The following FHOD1 variants were observed in gnomAD, a reference collection of about 807,000 sequenced individuals.
The protein encoded by FHOD1 is formin homology 2 domain containing 1.
In FHOD1, 89 loss-of-function variants were observed where a neutral mutation model predicts 111.6. That is an observed-to-expected ratio of 0.80 (90% CI 0.67 to 0.95). The LOEUF (loss-of-function observed/expected upper bound fraction) is 0.95. FHOD1 is among the 40% of genes least tolerant of loss of function. The probability of loss-of-function intolerance (pLI) is 0.00; values close to 1 mark genes in which losing one functional copy is unlikely to be tolerated. For synonymous variants in FHOD1, 618 were observed against 639.0 expected (o/e 0.97, Z 0.50); for missense variants, 1,446 against 1,554.2 (o/e 0.93, Z 1.17).
rs2034302984 is a variant in FHOD1 at position 67,232,153 on chromosome 16, G to A, written c.2088C>T (p.Asp696=). 1 of 1,614,060 alleles carries A rather than the reference G, an allele frequency of 6.2e-7. No individual in the cohort carries two copies. Among genetic ancestry groups the A allele is most frequent in the African/African-American group, 1.3e-5 (1 of 74,918 alleles). ...TGTTGATGGCGTTGCTGCGCTTGGG[G>A]TCCAGCACTGTGGTCATTGTCCGGC... is the stretch of plus-strand genomic sequence containing the variant. ...EGRRTMTTVL[D]PKRSNAINIG... Residue 696 remains aspartate (D), a synonymous_variant, in exon 14 of 22, where the codon GAC becomes GAT. Transcript: ENST00000258201.
intron 1 of FHOD1, among the ~76,000 whole-genome samples, chr16:67,243,766 T>G (rs913179754): frequency 1.3e-5 from 2 of 152,178 alleles, no homozygotes; most frequent in Admixed American, 1.3e-4. Flanking sequence ...TACCCCATAC[T>G]GGTCCTCCCA....
At chr16:67,232,289 G>A (rs144791161) in intron 13 of FHOD1, 95 bp from the exon 14 acceptor site, 106 of 1,267,688 alleles carry the variant, frequency 8.4e-5, no homozygotes, top group Middle Eastern at 5.2e-4. Context: ...AGGCCAAGGC[G>A]GGTGGACCAC....
chr16:67,240,867 G>A (rs953532751), intron 1 of FHOD1, among the ~76,000 whole-genome samples: 3 of 152,226 alleles, frequency 2.0e-5, no homozygotes, highest in African/African-American at 7.2e-5. Context: ...GCCCACCTCT[G>A]GAGAGGCAGG....
At position 67,243,253 on chromosome 16, in the gene FHOD1, C is replaced by T. The variant is rs971498434; in HGVS notation, c.202-3799G>A. Reference sequence around the variant, plus strand: ...TCTGAAGACCCTCCTTTCCTGTTATCGCAGGTCTCCAACTAGAGTGTGACT... The same window carrying T: ...TCTGAAGACCCTCCTTTCCTGTTATTGCAGGTCTCCAACTAGAGTGTGACT... On this transcript the variant is annotated intron_variant, in intron 1 of 21. Coordinates refer to ENST00000258201, the MANE Select transcript of FHOD1 (RefSeq NM_013241.3). Among the ~76,000 whole-genome samples, 8 of 152,154 alleles carry T rather than the reference C, an allele frequency of 5.3e-5. No homozygotes were observed. The South Asian group carries it at 8.3e-4, about 16-fold the overall frequency.
Position 67,238,878 on chromosome 16 carries a change from G to A in FHOD1, c.373+25C>T. On this transcript the variant is annotated intron_variant, in intron 3 of 21. Coordinates refer to ENST00000258201, the MANE Select transcript of FHOD1 (RefSeq NM_013241.3). This position sits in a 1 kb window ranked among gnomAD's most constrained non-coding sequence, Gnocchi z 4.2. The stretch of plus-strand genomic sequence containing the variant: ...GGGCTATGGGGAGGAGGTGCTGCTG[G>A]ACATGGATGCTCTCACACACTCACC... The A allele has an allele frequency of 6.2e-7, 1 of 1,612,944 alleles. No homozygotes were observed. Among genetic ancestry groups the A allele is most frequent in the Non-Finnish European group, 8.5e-7 (1 of 1,178,886 alleles).
At chr16:67,233,096 T>C (rs927227730) in intron 13 of FHOD1, among the ~76,000 whole-genome samples, 1 of 150,660 alleles carries the variant, frequency 6.6e-6, no homozygotes, top group Non-Finnish European at 1.5e-5. Flanking sequence ...ATTTATTTAG[T>C]TATTTTTGAG....
In FHOD1 at chr16:67,231,298, T is replaced by C. The variant is rs2034259946; in HGVS notation, c.2557A>G (p.Thr853Ala). The C allele has an allele frequency of 1.2e-6, 2 of 1,614,002 alleles. No individual in the cohort carries two copies. Among genetic ancestry groups the C allele is most frequent in the African/African-American group, 1.3e-5 (1 of 74,898 alleles). Residue 853 changes from threonine to alanine, a missense_variant, in exon 17 of 22, where the codon ACG (threonine) becomes GCG (alanine). Thr to Ala is a moderately conservative substitution (Grantham distance 58, BLOSUM62 0). This residue lies in a region of FHOD1 where 1,085 missense variants were observed against 1,108.8 expected (regional missense o/e 0.98). Coordinates refer to ENST00000258201, the MANE Select transcript of FHOD1 (RefSeq NM_013241.3). This position sits in a 1 kb window ranked among gnomAD's most constrained non-coding sequence, Gnocchi z 4.3. ...YLEKVSEVKD[T>A]VRRQSLLHHL... ...TGTAGCAGTGACTGTCGACGCACCG[T>C]GTCCTTCACCTCTGACACCTTCTCC...
chr16:67,235,863 G>A (rs375842233), intron 11 of FHOD1, among the ~76,000 whole-genome samples: 2 of 152,238 alleles, frequency 1.3e-5, no homozygotes, highest in African/African-American at 4.8e-5. Context: ...CCAGTGCTTA[G>A]CCTTTGGGTT....
At position 67,236,713 on chromosome 16, in the gene FHOD1, G is replaced by A. The variant is rs1367147641; in HGVS notation, c.1163C>T (p.Pro388Leu). 4 of 1,565,042 alleles carry A rather than the reference G, an allele frequency of 2.6e-6. No individual in the cohort carries two copies. Among genetic ancestry groups the A allele is most frequent in the Non-Finnish European group, 3.5e-6 (4 of 1,155,104 alleles). ...PEPGPTGPAS[P>L]VGPTSSTGPA... ...GCCGGTGGAAGAGGTGGGGCCTACC[G>A]GTGAGGCGGGGCCTGTGGGGCTGAA... Residue 388 changes from proline (P) to leucine (L), a missense_variant, in exon 11 of 22, where the codon CCG becomes CTG. Pro to Leu is a moderately conservative substitution (Grantham distance 98, BLOSUM62 -3). Around this residue, in one of 3 missense-constraint regions of FHOD1, gnomAD observed 1,085 missense variants for 1,108.8 expected, o/e 0.98. Transcript: ENST00000258201.
At chr16:67,239,286 T>G in intron 2 of FHOD1, 62 bp downstream of exon 2, 1 of 1,295,638 alleles carries the variant, frequency 7.7e-7, no homozygotes, top group Non-Finnish European at 1.1e-6. Flanking sequence ...GCTGCTGACA[T>G]TTGAGCTAGC....
In FHOD1 at chr16:67,230,404, A is replaced by G. The variant is rs2034211410; in HGVS notation, c.2961T>C (p.Tyr987=). 6.2e-7 allele frequency: 1 copy of G among 1,614,112 alleles called. No individual in the cohort carries two copies. Among genetic ancestry groups the G allele is most frequent in the Admixed American group, 1.7e-5 (1 of 60,014 alleles). Residue 987 remains tyrosine, a synonymous_variant, in exon 19 of 22, where the codon TAT becomes TAC. Coordinates refer to ENST00000258201, the MANE Select transcript of FHOD1 (RefSeq NM_013241.3). The part of the protein sequence containing the change: ...CHTLREFALE[Y]RTCRERVLQQ... ...GTAGCACTCGTTCCCGGCAAGTCCGATACTCAAGCGCAAATTCCCGCAGCG... is the reference window on the plus strand; with the variant it reads ...GTAGCACTCGTTCCCGGCAAGTCCGGTACTCAAGCGCAAATTCCCGCAGCG...
chr16:67,231,005 G>A lies in FHOD1; in HGVS notation c.2667+183C>T. ...TGGCAGTTAAACAGACCCAAAGACT[G>A]AGTAGGTGTGGCCAGGCCAATAGAG... On this transcript the variant is annotated intron_variant, in intron 17 of 21. Transcript: ENST00000258201. The surrounding 1 kb of genome is among the most constrained non-coding windows in gnomAD (Gnocchi z 4.3). The A allele has an allele frequency of 5.7e-6, 5 of 876,728 alleles. No individual in the cohort carries two copies. The South Asian group carries it at 8.7e-5, about 15-fold the overall frequency. 54.3% of individuals were successfully genotyped at this position (876,728 alleles called of 1,614,324 possible).
Position 67,229,912 on chromosome 16 carries a change from C to T in FHOD1, c.3293G>A (p.Ser1098Asn). 6.2e-7 allele frequency: 1 copy of T among 1,614,226 alleles called. No individual in the cohort carries two copies. Among genetic ancestry groups the T allele is most frequent in the Non-Finnish European group, 8.5e-7 (1 of 1,180,028 alleles). ...TASPEEPPGS[S>N]LPSDTSDEIM... is the part of the protein sequence containing the mutation. ...CTCATCTGATGTATCACTGGGTAAA[C>T]TGGAGCCTGGGGGTTCTTCTGGGGA... The change falls in exon 21 of 22, where the codon AGT (serine) becomes AAT (asparagine). Residue 1098 changes from serine to asparagine, a missense_variant. Coordinates refer to ENST00000258201, the MANE Select transcript of FHOD1 (RefSeq NM_013241.3).
At chr16:67,243,798 T>G (rs1024089105) in intron 1 of FHOD1, among the ~76,000 whole-genome samples, 1 of 152,122 alleles carries the variant, frequency 6.6e-6, no homozygotes, top group Non-Finnish European at 1.5e-5. Context: ...GGAACACCAA[T>G]AGACACACGC....
In FHOD1 at chr16:67,236,727, T is replaced by C. The variant is rs750578597; in HGVS notation, c.1149A>G (p.Thr383=). The C allele has an allele frequency of 1.4e-6, 2 of 1,391,892 alleles. No homozygotes were observed. The highest frequency in any genetic ancestry group is 9.4e-7 in the Non-Finnish European group (1 of 1,064,008). The allele number at this position is 1,391,892 out of a possible 1,614,324, so 86.2% of individuals were successfully genotyped here. A position where few individuals can be genotyped will look rare whatever the true frequency, so the allele number is the denominator to read the frequency against. The change falls in exon 11 of 22, where the codon ACA becomes ACG. Residue 383 remains threonine (T), a synonymous_variant. Coordinates refer to ENST00000258201, the MANE Select transcript of FHOD1 (RefSeq NM_013241.3). ...CPARAPEPGP[T]GPASPVGPTS... ...TGGGGCCTACCGGTGAGGCGGGGCC[T>C]GTGGGGCTGAAAGCAGGGGCTGTCA...
At chr16:67,245,181 C>T (rs1261952264) in intron 1 of FHOD1, among the ~76,000 whole-genome samples, 1 of 152,200 alleles carries the variant, frequency 6.6e-6, no homozygotes, top group African/African-American at 2.4e-5. Context: ...GTGCCACCTC[C>T]ATATCCCTGT....
chr16:67,236,578 G>A lies in FHOD1; in HGVS notation c.1298C>T (p.Ser433Phe), dbSNP rs112918660. 12 of 1,613,624 alleles carry A rather than the reference G, an allele frequency of 7.4e-6. No individual in the cohort carries two copies. In the African/African-American group the frequency reaches 1.1e-4, roughly 14 times the overall value. ...TISVAPSADTSSERSIYKARF... is the reference protein window; with the variant it reads ...TISVAPSADTFSERSIYKARF... ...TTACTTGTAGATGCTCCTCTCGCTGGAGGTGTCAGCTGAGGGTGCCACAGA... is the reference window on the plus strand; with the variant it reads ...TTACTTGTAGATGCTCCTCTCGCTGAAGGTGTCAGCTGAGGGTGCCACAGA... The change falls in exon 11 of 22, where the codon TCC becomes TTC. Residue 433 changes from serine (S) to phenylalanine (F), a missense_variant. Transcript: ENST00000258201.
At chr16:67,233,576 A>G in intron 13 of FHOD1, 81 bp downstream of exon 13, 3 of 1,478,804 alleles carry the variant, frequency 2.0e-6, no homozygotes, top group Non-Finnish European at 1.8e-6. Flanking sequence ...GAAGTGAGTG[A>G]CTAGCTCCAA....
chr16:67,231,244 G>A lies in FHOD1; in HGVS notation c.2611C>T (p.Arg871Trp), dbSNP rs117505411. ...HHLCSLVLQT[R>W]PESSDLYSEI... ...GAATAGAGGTCAGAGGACTCAGGCC[G>A]GGTCTGGAGCACTAGGGAGCAGAGA... is the stretch of plus-strand genomic sequence containing the variant. Residue 871 changes from arginine (R) to tryptophan (W), a missense_variant, in exon 17 of 22, where the codon CGG (arginine) becomes TGG (tryptophan). By Grantham distance (101) the Arg-to-Trp change is moderately radical. Around this residue, in one of 3 missense-constraint regions of FHOD1, gnomAD observed 1,085 missense variants for 1,108.8 expected, o/e 0.98. Coordinates refer to ENST00000258201, the MANE Select transcript of FHOD1 (RefSeq NM_013241.3). The surrounding 1 kb of genome is among the most constrained non-coding windows in gnomAD (Gnocchi z 4.3). 4.6e-4 allele frequency: 743 copies of A among 1,614,228 alleles called. No homozygotes were observed. The highest frequency in any genetic ancestry group is 5.9e-4 in the Non-Finnish European group (700 of 1,180,044).
Sources: gnomAD v4.1 joint callset for allele counts (sites outside exome capture counted in the v4.1 genomes callset) on GRCh38, gnomAD v4.1.1 for gene constraint, gnomAD v4.1.1 regional missense constraint, Gnocchi (gnomAD v3.1) non-coding constraint, MANE v1.5 for transcripts, NCBI Gene and HGNC (gene_info 2026-07-23, HGNC 2026-07-21) for gene names.